The following CD6 variants were observed in gnomAD, a reference collection of about 807,000 sequenced individuals.
CD6 encodes T-cell differentiation antigen CD6.
CD6 carries 53 observed loss-of-function variants against 75.3 expected under a neutral mutation model. The observed-to-expected ratio is 0.70, with a 90% CI of 0.56 to 0.88. CD6 has a LOEUF of 0.88. Among genes scored for constraint, CD6 ranks in the 40% least tolerant of loss-of-function variants. The pLI is 0.00. For missense variants in CD6, 770 were observed against 897.1 expected, an observed-to-expected ratio of 0.86 and a Z score of 1.81; for synonymous variants, 359 against 381.5, an observed-to-expected ratio of 0.94 and a Z score of 0.69.
intron 1 of CD6, among the ~76,000 whole-genome samples, chr11:60,979,574 C>T (rs1204305386): frequency 6.6e-6 from 1 of 151,944 alleles, no homozygotes; most frequent in Non-Finnish European, 1.5e-5. Context: ...TCAAGCAATT[C>T]TCCTGCCTCA....
At chr11:60,988,957 G>T (rs1490683729) in intron 1 of CD6, among the ~76,000 whole-genome samples, 2 of 152,140 alleles carry the variant, frequency 1.3e-5, no homozygotes, top group African/African-American at 2.4e-5. Context: ...ACCTAGCCCA[G>T]CCTTTGCACA....
intron 1 of CD6, among the ~76,000 whole-genome samples, chr11:60,997,852 C>T (rs188244381): frequency 2.6e-5 from 4 of 152,168 alleles, no homozygotes; most frequent in South Asian, 2.1e-4. Flanking sequence ...CTCATTGGCA[C>T]GAACCCATTT....
chr11:60,991,487 G>T (rs993686227), intron 1 of CD6, among the ~76,000 whole-genome samples: 1 of 151,868 alleles, frequency 6.6e-6, no homozygotes, highest in Non-Finnish European at 1.5e-5. Flanking sequence ...TATCCATAAG[G>T]CTATGATCAT....
intron 1 of CD6, among the ~76,000 whole-genome samples, chr11:60,979,679 GC>G (rs994767830): frequency 2.0e-5 from 3 of 151,972 alleles, no homozygotes; most frequent in African/African-American, 7.2e-5. Flanking sequence ...TTTTGGCAAG[GC>G]TGGTCTTGAA....
At chr11:61,001,883 G>A (rs1241617158) in intron 1 of CD6, among the ~76,000 whole-genome samples, 3 of 152,192 alleles carry the variant, frequency 2.0e-5, no homozygotes, top group Non-Finnish European at 2.9e-5. Flanking sequence ...TTCTAAGCAC[G>A]GGGCCCTGTG....
chr11:60,985,136 A>G (rs1414216318), intron 1 of CD6: 1 of 145,354 alleles, frequency 6.9e-6, no homozygotes, highest in Non-Finnish European at 1.5e-5. Flanking sequence ...GTATTGTTCC[A>G]GTTTTCGTAT....
intron 1 of CD6, chr11:60,982,539 G>C: frequency 2.2e-6 from 1 of 454,610 alleles, no homozygotes; most frequent in South Asian, 1.6e-5. Flanking sequence ...AGCTGAGGAA[G>C]CCCCCCAGGC....
chr11:61,006,334 G>A (rs553028373), intron 1 of CD6, among the ~76,000 whole-genome samples: 7 of 152,164 alleles, frequency 4.6e-5, no homozygotes, highest in South Asian at 2.1e-4. Flanking sequence ...GTTCTACTCC[G>A]ATTTCTGAAG....
chr11:60,987,505 C>T (rs144318534), intron 1 of CD6, among the ~76,000 whole-genome samples: 212 of 152,084 alleles, frequency 1.4e-3, no homozygotes, highest in African/African-American at 4.8e-3. Flanking sequence ...TTCAACAACT[C>T]GTAGCAATGT....
In CD6 at chr11:60,998,993, T is replaced by C. The variant is rs144492080; in HGVS notation, c.50-7581T>C. Reference sequence around the variant, plus strand: ...GGCCAACATCGTGAAACCCAGTCTCTACTAATATATATAAATTAGGCGGGC... The same window carrying C: ...GGCCAACATCGTGAAACCCAGTCTCCACTAATATATATAAATTAGGCGGGC... On this transcript the variant is annotated intron_variant, in intron 1 of 12. Transcript: ENST00000313421. Among the ~76,000 whole-genome samples, 141 of 152,186 alleles carry C rather than the reference T, an allele frequency of 9.3e-4. 2 individuals are homozygous for C. Among genetic ancestry groups the C allele is most frequent in the African/African-American group, 3.2e-3 (132 of 41,526 alleles).
intron 1 of CD6, among the ~76,000 whole-genome samples, chr11:61,003,783 G>T (rs979297091): frequency 6.6e-6 from 1 of 152,280 alleles, no homozygotes; most frequent in African/African-American, 2.4e-5. Context: ...TCTTCCATTC[G>T]GCCCTCTGTG....
At position 61,017,801 on chromosome 11, in the gene CD6, C is replaced by T; in HGVS notation, c.1625C>T (p.Pro542Leu). The T allele has an allele frequency of 6.2e-7, 1 of 1,614,174 alleles. No individual in the cohort carries two copies. Reference sequence around the variant, plus strand: ...GCCTCCCACATCCCAACTGCCAACCCTGGACACTGCATTACAGACCCGCCA... The same window carrying T: ...GCCTCCCACATCCCAACTGCCAACCTTGGACACTGCATTACAGACCCGCCA... Reference protein sequence around the residue: ...LHASHIPTANPGHCITDPPSL... With the variant: ...LHASHIPTANLGHCITDPPSL... The change falls in exon 11 of 13, where the codon CCT becomes CTT. Residue 542 changes from proline to leucine, a missense_variant. Pro to Leu is a moderately conservative substitution (Grantham distance 98, BLOSUM62 -3). Transcript: ENST00000313421.
chr11:60,998,868 A>G (rs968155336), intron 1 of CD6, among the ~76,000 whole-genome samples: 18 of 134,046 alleles, frequency 1.3e-4, no homozygotes, highest in African/African-American at 1.9e-4. Flanking sequence ...AAAAAAAAAA[A>G]GGAAAACAGG....
At chr11:60,979,530 G>C (rs1404888191) in intron 1 of CD6, among the ~76,000 whole-genome samples, 1 of 151,082 alleles carries the variant, frequency 6.6e-6, no homozygotes, top group Non-Finnish European at 1.5e-5. Flanking sequence ...GCAATGCTGC[G>C]ATCTCAGCTC....
chr11:60,990,397 G>A (rs1232923236), intron 1 of CD6, among the ~76,000 whole-genome samples: 1 of 152,050 alleles, frequency 6.6e-6, no homozygotes, highest in Non-Finnish European at 1.5e-5. Flanking sequence ...GCTAATTTTT[G>A]TATTTCAGTA....
chr11:60,977,958 C>T (rs1277889907), intron 1 of CD6, among the ~76,000 whole-genome samples: 2 of 152,120 alleles, frequency 1.3e-5, no homozygotes, highest in African/African-American at 2.4e-5. Context: ...AAATTCTAGC[C>T]AGATGCATTT....
chr11:60,979,648 A>G (rs1162977338), intron 1 of CD6, among the ~76,000 whole-genome samples: 1 of 151,848 alleles, frequency 6.6e-6, no homozygotes, highest in African/African-American at 2.4e-5. Flanking sequence ...TTGTATTTTT[A>G]GTAGAGACGG....
intron 1 of CD6, chr11:60,982,497 G>T (rs1857608741): frequency 2.3e-6 from 1 of 440,758 alleles, no homozygotes; most frequent in African/African-American, 2.0e-5. Context: ...TTCAGGAGGG[G>T]TGCCTGGGAG....
chr11:61,018,644 C>T, intron 12 of CD6: 1 of 506,826 alleles, frequency 2.0e-6, no homozygotes, highest in African/African-American at 1.9e-5. Context: ...ATAGCAAGAC[C>T]AGTCTCTACA....
Sources: allele counts gnomAD v4.1 joint callset (sites outside exome capture counted in the v4.1 genomes callset), GRCh38; gene constraint gnomAD v4.1.1; transcripts MANE v1.5; gene names NCBI Gene and HGNC (gene_info 2026-07-23, HGNC 2026-07-21).